Variants in KAT2B observed in about 807,000 individuals in gnomAD.
The protein encoded by KAT2B is lysine acetyltransferase 2B, also known as histone acetyltransferase KAT2B.
A neutral mutation model predicts 105.9 loss-of-function variants in KAT2B; 36 were observed. That is an observed-to-expected ratio of 0.34 (90% CI 0.26 to 0.45). The LOEUF (loss-of-function observed/expected upper bound fraction) is 0.45. KAT2B is among the 20% of genes least tolerant of loss of function. KAT2B has a pLI of 1.00. For missense variants in KAT2B, 820 were observed against 1,021.6 expected (o/e 0.80, Z 2.69); for synonymous variants, 397 against 377.9 (o/e 1.05, Z -0.59).
chr3:20,126,214 C>A, intron 10 of KAT2B, 101 bp downstream of exon 10: 1 of 908,728 alleles, frequency 1.1e-6, no homozygotes. Flanking sequence ...CCGAATACTA[C>A]TGCACCTGTC....
Position 20,098,661 on chromosome 3 carries a change from C to G in KAT2B, c.577-1201C>G, listed in dbSNP as rs138170314. On this transcript the variant is annotated intron_variant, in intron 3 of 17. Coordinates refer to ENST00000263754, the MANE Select transcript of KAT2B (RefSeq NM_003884.5). ...AAGTTCCTAAATGGTCTTATTTTAA[C>G]TGGGGAAAAAAAGTAAGCAACCAGA... Among the ~76,000 whole-genome samples, 136 of 152,190 alleles carry G rather than the reference C, an allele frequency of 8.9e-4. No homozygotes were observed. The East Asian group carries it at 0.022, about 25-fold the overall frequency.
At chr3:20,054,020 A>T (rs1432034629) in intron 1 of KAT2B, among the ~76,000 whole-genome samples, 1 of 151,576 alleles carries the variant, frequency 6.6e-6, no homozygotes, top group Non-Finnish European at 1.5e-5. Flanking sequence ...CTGGTCTCAA[A>T]CTCCTGACCT....
chr3:20,111,739 A>G lies in KAT2B; in HGVS notation c.995A>G (p.Asp332Gly). The G allele has an allele frequency of 6.2e-7, 1 of 1,614,064 alleles. No homozygotes were observed. Among genetic ancestry groups the G allele is most frequent in the Non-Finnish European group, 8.5e-7 (1 of 1,179,968 alleles). The change falls in exon 6 of 18, where the codon GAT becomes GGT. Residue 332 changes from aspartate (D) to glycine (G), a missense_variant. Asp to Gly is a moderately conservative substitution (Grantham distance 94, BLOSUM62 -1). Around this residue, in one of 6 missense-constraint regions of KAT2B, gnomAD observed 173 missense variants for 249.5 expected, o/e 0.69. Coordinates refer to ENST00000263754, the MANE Select transcript of KAT2B (RefSeq NM_003884.5). ...QLLEQARQEK[D>G]KLPLEKRTLI... ...CTGGAACAAGCAAGACAGGAAAAAGATAAACTGCCTCTTGAAAAACGAACT... is the reference window on the plus strand; with the variant it reads ...CTGGAACAAGCAAGACAGGAAAAAGGTAAACTGCCTCTTGAAAAACGAACT...
intron 1 of KAT2B, among the ~76,000 whole-genome samples, chr3:20,065,112 C>T (rs543687638): frequency 5.1e-4 from 78 of 152,332 alleles, no homozygotes; most frequent in Middle Eastern, 3.4e-3. Context: ...CTATTGACCT[C>T]TAACCCTGGA....
chr3:20,090,041 G>C (rs2125192793), intron 2 of KAT2B, among the ~76,000 whole-genome samples: 1 of 151,846 alleles, frequency 6.6e-6, no homozygotes, highest in South Asian at 2.1e-4. Context: ...ACTGATCTTT[G>C]TGTGTTGATT....
intron 2 of KAT2B, among the ~76,000 whole-genome samples, chr3:20,079,663 T>G (rs1425780411): frequency 6.6e-6 from 1 of 152,234 alleles, no homozygotes; most frequent in Non-Finnish European, 1.5e-5. Context: ...ACACATTTTC[T>G]TTGATCATAC....
At chr3:20,119,767 A>G in intron 8 of KAT2B, 44 bp downstream of exon 8, 1 of 1,608,498 alleles carries the variant, frequency 6.2e-7, no homozygotes. Flanking sequence ...GACTTGCTCC[A>G]GGAGCTCCAT....
intron 11 of KAT2B, among the ~76,000 whole-genome samples, chr3:20,129,454 A>C (rs1444636019): frequency 6.7e-6 from 1 of 149,328 alleles, no homozygotes; most frequent in Non-Finnish European, 1.5e-5. Context: ...GGCTCACTGC[A>C]ACCACCGCCT....
intron 1 of KAT2B, among the ~76,000 whole-genome samples, chr3:20,045,406 A>G (rs1266707802): frequency 6.6e-6 from 1 of 151,752 alleles, no homozygotes; most frequent in Non-Finnish European, 1.5e-5. Flanking sequence ...GATGGGGTAC[A>G]CTGGCACGAT....
chr3:20,060,742 TAGTA>T (rs1698086593), intron 1 of KAT2B, among the ~76,000 whole-genome samples: 2 of 152,034 alleles, frequency 1.3e-5, no homozygotes, highest in South Asian at 4.2e-4. Flanking sequence ...GTGAGTAACA[TAGTA>T]AGACCCTGTC....
At chr3:20,145,964 AG>A (rs1699778124) in intron 13 of KAT2B, among the ~76,000 whole-genome samples, 1 of 152,204 alleles carries the variant, frequency 6.6e-6, no homozygotes, top group South Asian at 2.1e-4. Flanking sequence ...GTGAATGCTC[AG>A]GGCTGCTTTC....
chr3:20,063,210 G>A (rs1239206685), intron 1 of KAT2B, among the ~76,000 whole-genome samples: 1 of 152,002 alleles, frequency 6.6e-6, no homozygotes, highest in East Asian at 1.9e-4. Context: ...TGTGACTGCA[G>A]GCGTGCACCA....
intron 2 of KAT2B, among the ~76,000 whole-genome samples, chr3:20,091,750 ATTGGTTGTTCAGGAGAATGCTGT>A (rs1698722347): frequency 6.6e-6 from 1 of 152,000 alleles, no homozygotes; most frequent in African/African-American, 2.4e-5. Flanking sequence ...TCTCTGACCC[ATTGGTTGTTCAGGAGAATGCTGT>A]TTAATTTCAA....
At chr3:20,125,863 AG>A (rs1399011407) in intron 9 of KAT2B, 41 bp from the exon 10 acceptor site, 1 of 1,507,010 alleles carries the variant, frequency 6.6e-7, no homozygotes, top group South Asian at 1.1e-5. Flanking sequence ...CTGTCTTGAG[AG>A]AATAGCTCTG....
At chr3:20,093,327 C>G (rs1481396795) in intron 2 of KAT2B, among the ~76,000 whole-genome samples, 1 of 152,184 alleles carries the variant, frequency 6.6e-6, no homozygotes, top group Non-Finnish European at 1.5e-5. Flanking sequence ...ACACTTACCT[C>G]AGAGTTATTC....
intron 1 of KAT2B, among the ~76,000 whole-genome samples, chr3:20,067,140 A>G (rs543934232): frequency 3.7e-4 from 56 of 152,314 alleles, no homozygotes; most frequent in African/African-American, 1.3e-3. Flanking sequence ...TATGAACAAA[A>G]GAAATAAAAA....
chr3:20,100,102 G>A, intron 4 of KAT2B, 148 bp downstream of exon 4: 1 of 576,772 alleles, frequency 1.7e-6, no homozygotes, highest in Non-Finnish European at 3.2e-6. Flanking sequence ...TGGAGGCTTT[G>A]GATCAGAGGT....
intron 3 of KAT2B, among the ~76,000 whole-genome samples, chr3:20,098,955 T>C (rs989417540): frequency 1.3e-5 from 2 of 152,170 alleles, no homozygotes; most frequent in African/African-American, 4.8e-5. Context: ...CATGTTTTGT[T>C]TCTACTGAAA....
intron 1 of KAT2B, among the ~76,000 whole-genome samples, chr3:20,064,722 C>A (rs1049669552): frequency 6.6e-6 from 1 of 152,152 alleles, no homozygotes; most frequent in African/African-American, 2.4e-5. Context: ...TTACTTACAT[C>A]GAGTGAGATA....
Sources: gnomAD v4.1 joint callset for allele counts (sites outside exome capture counted in the v4.1 genomes callset) on GRCh38, gnomAD v4.1.1 for gene constraint, gnomAD v4.1.1 regional missense constraint, MANE v1.5 for transcripts, NCBI Gene and HGNC (gene_info 2026-07-23, HGNC 2026-07-21) for gene names.